The following CIROZ variants were observed in gnomAD, a reference collection of about 807,000 sequenced individuals.
CIROZ encodes ciliated left-right organizer ZP-N domains-containing protein.
chr1:10,971,323 A>G, the CIROZ span, among the ~76,000 whole-genome samples: 3 of 151,006 alleles, frequency 2.0e-5, no homozygotes, highest in East Asian at 4.0e-4. Flanking sequence ...GCCCCAGTCC[A>G]TTCTTGACAC....
the CIROZ span, among the ~76,000 whole-genome samples, chr1:10,972,725 C>T: frequency 6.6e-6 from 1 of 152,134 alleles, no homozygotes; most frequent in Non-Finnish European, 1.5e-5. Context: ...AGAATTGGCC[C>T]TTTGCCCCTC....
At chr1:10,949,922 A>G in the CIROZ span, 1 of 1,028,436 alleles carries the variant, frequency 9.7e-7, no homozygotes, top group Non-Finnish European at 1.4e-6. Flanking sequence ...TGGGGAACGG[A>G]AGCTTGGGGA....
At chr1:10,977,213 G>T in the CIROZ span, among the ~76,000 whole-genome samples, 1 of 152,052 alleles carries the variant, frequency 6.6e-6, no homozygotes, top group Non-Finnish European at 1.5e-5. Context: ...TTTAAATGAT[G>T]AATCTCGTGC....
the CIROZ span, among the ~76,000 whole-genome samples, chr1:10,962,626 G>T: frequency 6.6e-6 from 1 of 152,128 alleles, no homozygotes; most frequent in African/African-American, 2.4e-5. Context: ...AGCATCCCCA[G>T]CCCCCACCAT....
the CIROZ span, among the ~76,000 whole-genome samples, chr1:10,978,582 C>T: frequency 7.9e-5 from 12 of 151,868 alleles, no homozygotes; most frequent in African/African-American, 1.9e-4. Flanking sequence ...TGGTGGCATG[C>T]GCTTGTGGTC....
the CIROZ span, among the ~76,000 whole-genome samples, chr1:10,976,699 C>T: frequency 7.1e-5 from 8 of 112,152 alleles, no homozygotes; most frequent in Admixed American, 9.5e-5. Context: ...GGCCAAGAGA[C>T]GAAAAAAAAA....
chr1:10,976,957 A>T, the CIROZ span, among the ~76,000 whole-genome samples: 1 of 152,186 alleles, frequency 6.6e-6, no homozygotes, highest in Non-Finnish European at 1.5e-5. Context: ...CAGGAGTTCA[A>T]GATCAGCCTG....
At chr1:10,968,255 G>A in the CIROZ span, among the ~76,000 whole-genome samples, 1 of 152,176 alleles carries the variant, frequency 6.6e-6, no homozygotes, top group Non-Finnish European at 1.5e-5. Flanking sequence ...ATCTCCTTTG[G>A]ATTGCCTGTA....
At chr1:10,948,149 C>G in the CIROZ span, 2 of 1,613,664 alleles carry the variant, frequency 1.2e-6, no homozygotes, top group East Asian at 4.5e-5. Flanking sequence ...TGGCATCCCT[C>G]GCTGGCAGGA....
chr1:10,965,412 G>A, the CIROZ span, among the ~76,000 whole-genome samples: 3 of 152,162 alleles, frequency 2.0e-5, no homozygotes, highest in Admixed American at 1.3e-4. Context: ...CCCCTTGCAG[G>A]ACCCCTGGAG....
At chr1:10,957,811 G>T in the CIROZ span, 59 of 1,551,432 alleles carry the variant, frequency 3.8e-5, no homozygotes, top group Admixed American at 7.3e-5. Flanking sequence ...GTCACTAGGG[G>T]TTACGGAGAG....
chr1:10,956,329 C>A, the CIROZ span, among the ~76,000 whole-genome samples: 1 of 152,184 alleles, frequency 6.6e-6, no homozygotes, highest in South Asian at 2.1e-4. Context: ...ATAGGGGGTC[C>A]CCACCACCCT....
chr1:10,948,654 G>A, the CIROZ span: 5 of 1,613,124 alleles, frequency 3.1e-6, no homozygotes, highest in South Asian at 3.3e-5. Context: ...TGGCCGCCAG[G>A]GACTAGCCTG....
At chr1:10,975,211 G>C in the CIROZ span, among the ~76,000 whole-genome samples, 1 of 152,062 alleles carries the variant, frequency 6.6e-6, no homozygotes, top group African/African-American at 2.4e-5. Context: ...TTCGAGGCCA[G>C]CCTGGCTAAC....
At chr1:10,975,573 A>G in the CIROZ span, among the ~76,000 whole-genome samples, 2 of 151,312 alleles carry the variant, frequency 1.3e-5, no homozygotes, top group Non-Finnish European at 3.0e-5. Flanking sequence ...TGGGCAACAA[A>G]GCGAGACTCT....
At chr1:10,947,565 A>G in the CIROZ span, 1 of 1,060,274 alleles carries the variant, frequency 9.4e-7, no homozygotes, top group Non-Finnish European at 1.3e-6. Context: ...GACGGCCCCC[A>G]GCCCCCACCT....
the CIROZ span, chr1:10,948,814 T>G: frequency 6.6e-7 from 1 of 1,511,210 alleles, no homozygotes; most frequent in Non-Finnish European, 8.8e-7. Context: ...CTCGCCGGTT[T>G]GGCTGTTTGC....
chr1:10,957,446 C>T, the CIROZ span: 2 of 922,020 alleles, frequency 2.2e-6, no homozygotes, highest in South Asian at 1.8e-5. Context: ...ATCTGCAGAG[C>T]GGAGCGCTTT....
chr1:10,964,128 C>G, the CIROZ span: 3 of 1,613,566 alleles, frequency 1.9e-6, no homozygotes, highest in Non-Finnish European at 2.5e-6. Context: ...AACCCATTAC[C>G]TGGATGAACA....
Sources: gnomAD v4.1 joint callset for allele counts (sites outside exome capture counted in the v4.1 genomes callset) on GRCh38, gnomAD v4.1.1 for gene constraint, MANE v1.5 for transcripts, NCBI Gene and HGNC (gene_info 2026-07-23, HGNC 2026-07-21) for gene names.